The following TMEM266 variants were observed in gnomAD, a reference collection of about 807,000 sequenced individuals.
TMEM266 encodes the protein transmembrane protein 266.
A neutral mutation model predicts 50.5 loss-of-function variants in TMEM266; 33 were observed. That is an observed-to-expected ratio of 0.65 (90% CI 0.50 to 0.87). The LOEUF (loss-of-function observed/expected upper bound fraction) is 0.87, where lower values mean the gene tolerates loss of function less well. Among genes scored for constraint, TMEM266 ranks in the 40% least tolerant of loss-of-function variants. The probability of loss-of-function intolerance (pLI) is 0.00; values close to 1 mark genes in which losing one functional copy is unlikely to be tolerated. For missense variants in TMEM266, 655 were observed against 695.1 expected (o/e 0.94, Z 0.65); for synonymous variants, 310 against 292.3 (o/e 1.06, Z -0.62).
At chr15:76,159,274 G>T (rs1013071429) in intron 4 of TMEM266, among the ~76,000 whole-genome samples, 2 of 152,292 alleles carry the variant, frequency 1.3e-5, no homozygotes, top group East Asian at 1.9e-4. Flanking sequence ...TTTTGGCCTC[G>T]CTGGCTAAAA....
intron 1 of TMEM266, among the ~76,000 whole-genome samples, chr15:76,088,690 G>A (rs537515903): frequency 1.3e-5 from 2 of 151,728 alleles, no homozygotes; most frequent in Admixed American, 6.6e-5. Flanking sequence ...CCAGCTACTC[G>A]GGAGGCTGAG....
At chr15:76,177,262 C>T (rs1358047442) in intron 8 of TMEM266, among the ~76,000 whole-genome samples, 1 of 152,254 alleles carries the variant, frequency 6.6e-6, no homozygotes, top group Non-Finnish European at 1.5e-5. Context: ...CGGCCCCAGC[C>T]AGCACTCCGC....
At position 76,160,233 on chromosome 15, in the gene TMEM266, G is replaced by A. The variant is rs897142038; in HGVS notation, c.456+65G>A. On this transcript the variant is annotated intron_variant, in intron 5 of 10. Transcript: ENST00000388942. This position sits in a 1 kb window ranked among gnomAD's most constrained non-coding sequence, Gnocchi z 5.7. ...TGACTCCTGTCCTGGGGAAACCAAG[G>A]TCTACTTCTCGAAATGGTTTCTAGC... The A allele has an allele frequency of 8.0e-6, 12 of 1,491,822 alleles. No individual in the cohort carries two copies. In the African/African-American group the frequency reaches 1.7e-4, roughly 21 times the overall value. 92.4% of individuals were successfully genotyped at this position (1,491,822 alleles called of 1,614,324 possible).
chr15:76,124,824 T>A (rs1292132007), intron 1 of TMEM266, among the ~76,000 whole-genome samples: 1 of 151,856 alleles, frequency 6.6e-6, no homozygotes, highest in Non-Finnish European at 1.5e-5. Flanking sequence ...CAATGGCACT[T>A]TTCACAGAAA....
At chr15:76,152,366 A>T (rs2037857673) in intron 3 of TMEM266, among the ~76,000 whole-genome samples, 2 of 152,184 alleles carry the variant, frequency 1.3e-5, no homozygotes, top group Admixed American at 1.3e-4. Context: ...TGAGAATGAA[A>T]GGACAGGCCC....
chr15:76,060,772 T>C (rs2036286182), intron 1 of TMEM266, among the ~76,000 whole-genome samples: 1 of 152,214 alleles, frequency 6.6e-6, no homozygotes, highest in African/African-American at 2.4e-5. Context: ...GCTAGCCACC[T>C]GTTGGAAGTC....
rs199852426 is a variant in TMEM266 at position 76,203,854 on chromosome 15, G to A, written c.1135G>A (p.Gly379Ser). Residue 379 changes from glycine to serine, a missense_variant, in exon 11 of 11, where the codon GGT becomes AGT. Gly to Ser is a moderately conservative substitution (Grantham distance 56, BLOSUM62 0). Transcript: ENST00000388942. ...TCTGGACATGCCCCTCAAACTCGGC[G>A]GTAATGGCACCAGCGCCACCTCGGA... The A allele has an allele frequency of 9.1e-5, 147 of 1,614,066 alleles. No homozygotes were observed. Among genetic ancestry groups the A allele is most frequent in the Non-Finnish European group, 1.2e-4 (139 of 1,180,034 alleles).
At chr15:76,090,453 C>G (rs1230558802) in intron 1 of TMEM266, among the ~76,000 whole-genome samples, 1 of 141,974 alleles carries the variant, frequency 7.0e-6, no homozygotes, top group Non-Finnish European at 1.5e-5. Context: ...GATCACACCA[C>G]TGCACTCCAG....
intron 1 of TMEM266, among the ~76,000 whole-genome samples, chr15:76,073,754 T>C (rs999392105): frequency 1.4e-4 from 21 of 152,246 alleles, no homozygotes; most frequent in East Asian, 1.3e-3. Flanking sequence ...GACACCACAC[T>C]ATCAAATGAC....
At chr15:76,080,148 C>T (rs2036665456) in intron 1 of TMEM266, among the ~76,000 whole-genome samples, 2 of 150,006 alleles carry the variant, frequency 1.3e-5, no homozygotes, top group African/African-American at 4.9e-5. Context: ...GGGCAGATCA[C>T]TTGAGGTCAG....
chr15:76,160,846 G>A lies in TMEM266; in HGVS notation c.456+678G>A, dbSNP rs11630305. Among the ~76,000 whole-genome samples, 42,476 of 152,046 alleles carry A rather than the reference G, an allele frequency of 0.28. 6,278 individuals are homozygous for A. The highest frequency in any genetic ancestry group is 0.33 in the African/African-American group (13,644 of 41,430). On this transcript the variant is annotated intron_variant, in intron 5 of 10. Coordinates refer to ENST00000388942, the MANE Select transcript of TMEM266 (RefSeq NM_152335.3). The surrounding 1 kb of genome is among the most constrained non-coding windows in gnomAD (Gnocchi z 5.7). ...GGAGGGGGAAAGTTTATGGAGATCC[G>A]CAGGCCCCCGGGCTTGGTGCAGAAG...
Position 76,160,045 on chromosome 15 carries a change from C to T in TMEM266, c.383-50C>T, listed in dbSNP as rs759005703. 7 of 1,563,124 alleles carry T rather than the reference C, an allele frequency of 4.5e-6. No individual in the cohort carries two copies. The highest frequency in any genetic ancestry group is 1.7e-5 in the Admixed American group (1 of 59,860). ...GGATGCTGCGAAGCCCCCATAGCAA[C>T]GCACCTAATTCCTCACTCCTAAAAT... On this transcript the variant is annotated intron_variant, in intron 4 of 10. Transcript: ENST00000388942. This position sits in a 1 kb window ranked among gnomAD's most constrained non-coding sequence, Gnocchi z 5.7.
intron 5 of TMEM266, among the ~76,000 whole-genome samples, chr15:76,162,567 A>G (rs984703405): frequency 6.6e-6 from 1 of 152,144 alleles, no homozygotes; most frequent in Non-Finnish European, 1.5e-5. Context: ...TGCCCACCAT[A>G]CCAGTGGCGT....
intron 1 of TMEM266, among the ~76,000 whole-genome samples, chr15:76,104,931 A>G (rs918666531): frequency 6.6e-6 from 1 of 151,700 alleles, no homozygotes; most frequent in Non-Finnish European, 1.5e-5. Flanking sequence ...TTCTTATTGA[A>G]AGTTTCGGCC....
At position 76,192,087 on chromosome 15, in the gene TMEM266, GT is replaced by G; in HGVS notation, c.890del (p.Leu297TrpfsTer27). 1 of 1,454,254 alleles carries G rather than the reference GT, an allele frequency of 6.9e-7. No homozygotes were observed. Among genetic ancestry groups the G allele is most frequent in the African/African-American group, 1.5e-5 (1 of 67,022 alleles). 90.1% of individuals were successfully genotyped at this position (1,454,254 alleles called of 1,614,324 possible). A position where few individuals can be genotyped will look rare whatever the true frequency, so the allele number is the denominator to read the frequency against. Reference sequence around the variant, plus strand: ...GCCAGCCGCGCAGCCGCTTCAAAGTGTTGGAGGCCGGCACGTGGGACGAGGA... The same window carrying G: ...GCCAGCCGCGCAGCCGCTTCAAAGTGTGGAGGCCGGCACGTGGGACGAGGA... On this transcript the variant is annotated frameshift_variant, in exon 9 of 11. Coordinates refer to ENST00000388942, the MANE Select transcript of TMEM266 (RefSeq NM_152335.3). LOFTEE classifies it high-confidence loss of function.
intron 1 of TMEM266, among the ~76,000 whole-genome samples, chr15:76,089,322 A>G (rs553250431): frequency 1.3e-5 from 2 of 151,706 alleles, no homozygotes; most frequent in African/African-American, 4.8e-5. Context: ...CCTTTCAAGT[A>G]GCTGGATCTA....
intron 1 of TMEM266, among the ~76,000 whole-genome samples, chr15:76,097,253 G>A (rs1374722441): frequency 6.6e-6 from 1 of 151,978 alleles, no homozygotes; most frequent in East Asian, 1.9e-4. Flanking sequence ...GGCTGGTACT[G>A]GTTGTTCCTT....
intron 3 of TMEM266, among the ~76,000 whole-genome samples, chr15:76,138,144 C>A (rs548438356): frequency 6.8e-6 from 1 of 147,502 alleles, no homozygotes; most frequent in Non-Finnish European, 1.5e-5. Context: ...ATTGCTTGAA[C>A]CCGAGAGGCG....
rs117309610 is a variant in TMEM266, at chr15:76,130,582, A to G, written c.-96-3586A>G. Among the ~76,000 whole-genome samples, 997 of 152,344 alleles carry G rather than the reference A, an allele frequency of 6.5e-3. 24 individuals carry two copies. Among genetic ancestry groups the G allele is most frequent in the East Asian group, 0.042 (220 of 5,186 alleles). ...TGGGGATGATGATAGTTTTGTGATT[A>G]CTTCTTTTAAAAGGAATCCTTCTCC... On this transcript the variant is annotated intron_variant, in intron 1 of 10. Transcript: ENST00000388942.
Sources: allele counts gnomAD v4.1 joint callset (sites outside exome capture counted in the v4.1 genomes callset), GRCh38; gene constraint gnomAD v4.1.1; non-coding constraint Gnocchi (gnomAD v3.1); transcripts MANE v1.5; gene names NCBI Gene and HGNC (gene_info 2026-07-23, HGNC 2026-07-21).